HS1BP3: variants seen among roughly 807,000 people sequenced by gnomAD.
The protein encoded by HS1BP3 is HCLS1-binding protein 3.
Under a neutral mutation model 33.5 loss-of-function variants are expected in HS1BP3, and 32 were observed. The observed-to-expected ratio is 0.95, with a 90% confidence interval of 0.72 to 1.28. HS1BP3 has a LOEUF of 1.28. Ranked by LOEUF, HS1BP3 falls within the 50% of genes most tolerant of loss-of-function variation. The pLI, the probability that HS1BP3 is intolerant of heterozygous loss-of-function variation, is 0.00. For synonymous variants in HS1BP3, 187 were observed against 209.2 expected (o/e 0.89, Z 0.92); for missense variants, 486 against 502.3 (o/e 0.97, Z 0.31).
intron 2 of HS1BP3, among the ~76,000 whole-genome samples, chr2:20,608,020 A>G (rs1694235787): frequency 6.6e-6 from 1 of 152,156 alleles, no homozygotes; most frequent in African/African-American, 2.4e-5. Flanking sequence ...GCTATTGTAA[A>G]TTGAATCGTT....
chr2:20,627,199 C>T (rs1014019781), intron 4 of HS1BP3, among the ~76,000 whole-genome samples: 1 of 152,258 alleles, frequency 6.6e-6, no homozygotes, highest in Non-Finnish European at 1.5e-5. Context: ...ACCCCGGCCC[C>T]TACCCAGGTG....
At chr2:20,582,303 C>G (rs934907330) in intron 5 of HS1BP3, among the ~76,000 whole-genome samples, 7 of 152,200 alleles carry the variant, frequency 4.6e-5, no homozygotes, top group Admixed American at 1.3e-4. Flanking sequence ...TCAGCACAGC[C>G]TTCCAGGGCT....
chr2:20,622,051 G>T, intron 6 of HS1BP3: 1 of 528,352 alleles, frequency 1.9e-6, no homozygotes, highest in Non-Finnish European at 2.9e-6. Flanking sequence ...TAGAGGCCCT[G>T]CCCTGGTGTG....
chr2:20,637,684 T>G (rs546673057), intron 4 of HS1BP3: 1 of 151,658 alleles, frequency 6.6e-6, no homozygotes, highest in Admixed American at 6.6e-5. Context: ...GAAGTTGAAC[T>G]TGCTTCTGCC....
chr2:20,645,404 A>C lies in HS1BP3; in HGVS notation c.134T>G (p.Val45Gly). ...CTTGAACGCAGCCAGACGGGTCACC[A>C]CCAGGATCTGGTACTCCACGTGTCC... ...MSGHVEYQIL[V>G]VTRLAAFKSA... The change falls in exon 2 of 7, where the codon GTG becomes GGG. Residue 45 changes from valine (V) to glycine (G), a missense_variant. Val to Gly is a moderately radical substitution (Grantham distance 109). Transcript: ENST00000304031. 1 of 1,614,128 alleles carries C rather than the reference A, an allele frequency of 6.2e-7. No homozygotes were observed. The highest frequency in any genetic ancestry group is 8.5e-7 in the Non-Finnish European group (1 of 1,180,018).
chr2:20,581,264 ATTAGTGTTCTAT>A (rs1403319582), intron 5 of HS1BP3, among the ~76,000 whole-genome samples: 2 of 152,236 alleles, frequency 1.3e-5, no homozygotes, highest in South Asian at 2.1e-4. Context: ...CACTGTCTGT[ATTAGTGTTCTAT>A]TTAGTGTTCT....
rs1416738747 is a variant in HS1BP3, at chr2:20,638,378, T to C, written c.623+58A>G. ...TCTCAGATTCCAGGGAAGGGGGACG[T>C]CATCTCCAGAAAGCCTGGAATACAC... On this transcript the variant is annotated intron_variant, in intron 4 of 6. Transcript: ENST00000304031. The C allele has an allele frequency of 6.0e-6, 9 of 1,509,470 alleles. 1 individual carries two copies. The Admixed American group carries it at 9.0e-5, about 15-fold the overall frequency. The allele number at this position is 1,509,470 out of a possible 1,614,324, so 93.5% of individuals were successfully genotyped here. A position where few individuals can be genotyped will look rare whatever the true frequency, so the allele number is the denominator to read the frequency against.
chr2:20,604,344 T>C (rs1694129036), intron 2 of HS1BP3, among the ~76,000 whole-genome samples: 1 of 152,164 alleles, frequency 6.6e-6, no homozygotes, highest in African/African-American at 2.4e-5. Context: ...AGCCCCTGAA[T>C]AAGGAGCCTG....
At chr2:20,561,824 T>A (rs1177059217) in intron 5 of HS1BP3, among the ~76,000 whole-genome samples, 1 of 152,138 alleles carries the variant, frequency 6.6e-6, no homozygotes, top group Non-Finnish European at 1.5e-5. Context: ...TGGTGACTCA[T>A]GACTTGGGGG....
chr2:20,620,033 T>C (rs1182903576), intron 6 of HS1BP3, among the ~76,000 whole-genome samples: 1 of 152,104 alleles, frequency 6.6e-6, no homozygotes, highest in Non-Finnish European at 1.5e-5. Flanking sequence ...TTACGGTCAC[T>C]CAGGACCATC....
chr2:20,618,895 G>T lies in HS1BP3; in HGVS notation c.*92C>A. On this transcript the variant is annotated 3_prime_UTR_variant, in exon 7 of 7. Transcript: ENST00000304031. The stretch of plus-strand genomic sequence containing the variant: ...TTCTGCCTGGCCTCCCCTGGGGGTG[G>T]GGAGGTTCTGACCCTGCAGGGCCCA... 1 of 1,481,302 alleles carries T rather than the reference G, an allele frequency of 6.8e-7. No individual in the cohort carries two copies. Among genetic ancestry groups the T allele is most frequent in the Non-Finnish European group, 8.9e-7 (1 of 1,118,358 alleles). The allele number at this position is 1,481,302 out of a possible 1,614,324, so 91.8% of individuals were successfully genotyped here. A position where few individuals can be genotyped will look rare whatever the true frequency, so the allele number is the denominator to read the frequency against.
intron 2 of HS1BP3, among the ~76,000 whole-genome samples, chr2:20,643,220 G>C (rs1695411807): frequency 6.6e-6 from 1 of 152,152 alleles, no homozygotes; most frequent in Non-Finnish European, 1.5e-5. Flanking sequence ...GGGCGTCACT[G>C]CCTAGGAAAA....
At chr2:20,627,460 CGAG>C (rs1313975441) in intron 4 of HS1BP3, among the ~76,000 whole-genome samples, 5 of 152,218 alleles carry the variant, frequency 3.3e-5, no homozygotes, top group African/African-American at 1.2e-4. Flanking sequence ...AGAACAGGCG[CGAG>C]GAGGTCTCTC....
At chr2:20,558,823 G>A (rs1048989749), downstream of HS1BP3, among the ~76,000 whole-genome samples, 14 of 152,168 alleles carry the variant, frequency 9.2e-5, no homozygotes, top group Admixed American at 8.5e-4. Context: ...CTACTGGGGG[G>A]CCCATGACCA....
chr2:20,628,170 C>T (rs982304329), intron 4 of HS1BP3, among the ~76,000 whole-genome samples: 4 of 152,146 alleles, frequency 2.6e-5, no homozygotes, highest in African/African-American at 9.7e-5. Context: ...TCGTGGGCAC[C>T]TTTGATGGCG....
At chr2:20,557,265 C>T (rs907750982), downstream of HS1BP3, among the ~76,000 whole-genome samples, 1 of 152,168 alleles carries the variant, frequency 6.6e-6, no homozygotes, top group African/African-American at 2.4e-5. Context: ...CATTGGCCTT[C>T]CGAAATTTCA....
In HS1BP3 at chr2:20,618,505, AG is replaced by A; in HGVS notation, c.*481del. 1 of 165,834 alleles carries A rather than the reference AG, an allele frequency of 6.0e-6. No homozygotes were observed. The highest frequency in any genetic ancestry group is 1.3e-5 in the Non-Finnish European group (1 of 79,306). 10.3% of individuals were successfully genotyped at this position (165,834 alleles called of 1,614,324 possible). A position where few individuals can be genotyped will look rare whatever the true frequency, so the allele number is the denominator to read the frequency against. On this transcript the variant is annotated 3_prime_UTR_variant, in exon 7 of 7. Coordinates refer to ENST00000304031, the MANE Select transcript of HS1BP3 (RefSeq NM_022460.4). ...CAGTCAGTCACCCAGGCTACAGCTT[AG>A]GGTAGGGGAAGGGGAGGATACCGGT...
At chr2:20,558,413 A>G (rs1162394089), downstream of HS1BP3, among the ~76,000 whole-genome samples, 1 of 152,150 alleles carries the variant, frequency 6.6e-6, no homozygotes, top group African/African-American at 2.4e-5. Context: ...TTTCTCATTC[A>G]TCTGCACCCT....
chr2:20,584,593 CCT>C (rs1247540899), intron 5 of HS1BP3, among the ~76,000 whole-genome samples: 1 of 152,196 alleles, frequency 6.6e-6, no homozygotes, highest in Non-Finnish European at 1.5e-5. Context: ...AGTCCAGACC[CCT>C]GACTCTCCTT....
Sources: allele counts gnomAD v4.1 joint callset (sites outside exome capture counted in the v4.1 genomes callset), GRCh38; gene constraint gnomAD v4.1.1; transcripts MANE v1.5; gene names NCBI Gene and HGNC (gene_info 2026-07-23, HGNC 2026-07-21).